The following ZNF292 variants were observed in gnomAD, a reference collection of about 807,000 sequenced individuals.
ZNF292 encodes 16 zinc-finger domain protein.
A neutral mutation model predicts 217.9 loss-of-function variants in ZNF292; 26 were observed. That is an observed-to-expected ratio of 0.12 (90% confidence interval 0.09 to 0.17). The LOEUF (loss-of-function observed/expected upper bound fraction) is 0.17. Among genes scored for constraint, ZNF292 ranks in the 10% least tolerant of loss-of-function variants. The pLI is 1.00. For missense variants in ZNF292, 2,904 were observed against 3,175.2 expected, an observed-to-expected ratio of 0.91 and a Z score of 2.05; for synonymous variants, 1,257 against 1,124.1, an observed-to-expected ratio of 1.12 and a Z score of -2.37.
chr6:87,224,010 C>T (rs1773220400), intron 4 of ZNF292: 1 of 152,180 alleles, frequency 6.6e-6, no homozygotes, highest in Admixed American at 6.5e-5. Flanking sequence ...CTGTGACCTC[C>T]CACTTCAACA....
intron 1 of ZNF292, among the ~76,000 whole-genome samples, chr6:87,189,347 C>T (rs532457810): frequency 2.5e-4 from 38 of 152,124 alleles, no homozygotes; most frequent in African/African-American, 9.2e-4. Context: ...TTAGTCAGAT[C>T]TTATATTCAC....
rs753447063 is a variant in ZNF292 at position 87,216,018 on chromosome 6, A to C, written c.284A>C (p.Glu95Ala). Reference sequence around the variant, plus strand: ...AAAGCCCGACCTTATCTTACCTCTGAATGTGAAAATGTAGCCTTGGTTCTG... The same window carrying C: ...AAAGCCCGACCTTATCTTACCTCTGCATGTGAAAATGTAGCCTTGGTTCTG... ...YVKARPYLTSECENVALVLER... is the reference protein window; with the variant it reads ...YVKARPYLTSACENVALVLER... Residue 95 changes from glutamate to alanine, a missense_variant, in exon 2 of 8, where the codon GAA (glutamate) becomes GCA (alanine). Physicochemically the swap from Glu to Ala is moderately radical, Grantham distance 107. Around this residue, in one of 15 missense-constraint regions of ZNF292, gnomAD observed 313 missense variants for 451.0 expected, o/e 0.69. Transcript: ENST00000369577. The C allele has an allele frequency of 1.9e-6, 3 of 1,578,040 alleles. No homozygotes were observed. Among genetic ancestry groups the C allele is most frequent in the Non-Finnish European group, 2.6e-6 (3 of 1,168,268 alleles).
intron 7 of ZNF292, chr6:87,249,424 G>C (rs1035972877): frequency 3.2e-6 from 1 of 309,480 alleles, no homozygotes; most frequent in African/African-American, 2.2e-5. Flanking sequence ...CACCACACAT[G>C]ACCTTCGCAG....
At chr6:87,227,757 G>A (rs988561811) in intron 4 of ZNF292, among the ~76,000 whole-genome samples, 1 of 152,138 alleles carries the variant, frequency 6.6e-6, no homozygotes, top group Non-Finnish European at 1.5e-5. Flanking sequence ...CCGTGTGGTA[G>A]CATGTGAAAG....
intron 1 of ZNF292, among the ~76,000 whole-genome samples, chr6:87,206,271 T>C (rs1212469585): frequency 6.6e-6 from 1 of 152,172 alleles, no homozygotes; most frequent in Non-Finnish European, 1.5e-5. Flanking sequence ...TCCAAAGTCA[T>C]GTGACAAAGG....
chr6:87,198,180 T>TTTTATTTATTTA (rs146558783), intron 1 of ZNF292, among the ~76,000 whole-genome samples: 65 of 147,628 alleles, frequency 4.4e-4, no homozygotes, highest in Middle Eastern at 3.5e-3. Context: ...TGCATGTTTA[T>TTTTATTTATTTA]TTTATTTATT....
chr6:87,258,354 A>C lies in ZNF292; in HGVS notation c.4725A>C (p.Leu1575Phe). Reference sequence around the variant, plus strand: ...TGCCTGTTTTTCCAACGAATGACTTACTACTGAAGACTGTTGAAAATGGTT... The same window carrying C: ...TGCCTGTTTTTCCAACGAATGACTTCCTACTGAAGACTGTTGAAAATGGTT... ...SSLPVFPTNDLLLKTVENGLC... is the reference protein window; with the variant it reads ...SSLPVFPTNDFLLKTVENGLC... Residue 1575 changes from leucine (L) to phenylalanine (F), a missense_variant, in exon 8 of 8, where the codon TTA (leucine) becomes TTC (phenylalanine). Leu to Phe is a conservative substitution (Grantham distance 22, BLOSUM62 0). This residue lies in a region of ZNF292 where 622 missense variants were observed against 573.1 expected (regional missense o/e 1.09). Coordinates refer to ENST00000369577, the MANE Select transcript of ZNF292 (RefSeq NM_015021.3). 1.2e-6 allele frequency: 2 copies of C among 1,613,658 alleles called. No individual in the cohort carries two copies. The highest frequency in any genetic ancestry group is 1.7e-6 in the Non-Finnish European group (2 of 1,179,774).
intron 1 of ZNF292, among the ~76,000 whole-genome samples, chr6:87,203,918 C>T (rs148932274): frequency 1.2e-3 from 180 of 152,080 alleles, no homozygotes; most frequent in African/African-American, 4.0e-3. Context: ...TCCAGCATGC[C>T]GAGTCAAAGC....
Position 87,155,638 on chromosome 6 carries a change from G to A in ZNF292, c.47G>A (p.Gly16Asp), listed in dbSNP as rs554384428. 1 of 1,582,920 alleles carries A rather than the reference G, an allele frequency of 6.3e-7. No homozygotes were observed. The highest frequency in any genetic ancestry group is 1.2e-5 in the South Asian group (1 of 86,676). The change falls in exon 1 of 8, where the codon GGC (glycine) becomes GAC (aspartate). Residue 16 changes from glycine to aspartate, a missense_variant. This residue lies in a region of ZNF292 where 66 missense variants were observed against 44.1 expected (regional missense o/e 1.50). Transcript: ENST00000369577. The stretch of plus-strand genomic sequence containing the variant: ...CAGGAGAGGTTGAGTTGCGGCGAAG[G>A]CGGCTGCGTCGCGGAGCTGCAGCGC... The part of the protein sequence containing the change: ...AEQERLSCGE[G>D]GCVAELQRLG...
Position 87,261,373 on chromosome 6 carries a change from G to T in ZNF292, c.7744G>T (p.Asp2582Tyr). Residue 2582 changes from aspartate to tyrosine, a missense_variant, in exon 8 of 8, where the codon GAC becomes TAC. Transcript: ENST00000369577. ...QTIEEHPASF[D>Y]WSSFKPMGFE... ...CATTGAGGAGCATCCTGCATCTTTTGACTGGAGCTCTTTTAAGCCAATGGG... is the reference window on the plus strand; with the variant it reads ...CATTGAGGAGCATCCTGCATCTTTTTACTGGAGCTCTTTTAAGCCAATGGG... The T allele has an allele frequency of 6.2e-7, 1 of 1,613,094 alleles. No homozygotes were observed. The highest frequency in any genetic ancestry group is 1.1e-5 in the South Asian group (1 of 90,992).
chr6:87,263,401 C>CAAT lies in ZNF292; in HGVS notation c.*1600_*1601insAAT, dbSNP rs1390409980. 6.6e-6 allele frequency: 1 copy of CAAT among 151,850 alleles called. No individual in the cohort carries two copies. Among genetic ancestry groups the CAAT allele is most frequent in the Non-Finnish European group, 1.5e-5 (1 of 67,902 alleles). 9.4% of individuals were successfully genotyped at this position (151,850 alleles called of 1,614,324 possible). A position where few individuals can be genotyped will look rare whatever the true frequency, so the allele number is the denominator to read the frequency against. On this transcript the variant is annotated 3_prime_UTR_variant, in exon 8 of 8. Transcript: ENST00000369577. ...TGATGGTATGAAAATGTGTACATTC[C>CAAT]CTGTGCAACATCAGATTTGCAGGAA... is the stretch of plus-strand genomic sequence containing the variant.
chr6:87,236,398 T>C (rs1773905982), intron 5 of ZNF292, among the ~76,000 whole-genome samples: 1 of 138,692 alleles, frequency 7.2e-6, no homozygotes, highest in Non-Finnish European at 1.6e-5. Context: ...TGTTTTTTTT[T>C]TTTTTTTAAA....
Position 87,261,970 on chromosome 6 carries a change from T to G in ZNF292, c.*169T>G, listed in dbSNP as rs1775629630. 4.2e-6 allele frequency: 2 copies of G among 473,724 alleles called. No individual in the cohort carries two copies. Among genetic ancestry groups the G allele is most frequent in the Non-Finnish European group, 7.1e-6 (2 of 280,036 alleles). The allele number at this position is 473,724 out of a possible 1,614,324, so 29.3% of individuals were successfully genotyped here. A position where few individuals can be genotyped will look rare whatever the true frequency, so the allele number is the denominator to read the frequency against. On this transcript the variant is annotated 3_prime_UTR_variant, in exon 8 of 8. Transcript: ENST00000369577. ...CATGACATTTGTCATGTAAAACTTT[T>G]TTTTATCCCTATGGGACTTGAGGAA...
At chr6:87,170,272 G>C (rs1771058079) in intron 1 of ZNF292, 1 of 152,020 alleles carries the variant, frequency 6.6e-6, no homozygotes. Context: ...CTTATTTTAA[G>C]CCTTGGCTTG....
At chr6:87,224,152 T>C (rs949874275) in intron 4 of ZNF292, among the ~76,000 whole-genome samples, 2 of 152,210 alleles carry the variant, frequency 1.3e-5, no homozygotes, top group African/African-American at 4.8e-5. Context: ...ACAGTGCTTT[T>C]GTACAGTTCT....
At chr6:87,252,469 T>C (rs1312072916) in intron 7 of ZNF292, among the ~76,000 whole-genome samples, 1 of 152,198 alleles carries the variant, frequency 6.6e-6, no homozygotes, top group Non-Finnish European at 1.5e-5. Context: ...TAATCCTTTT[T>C]TAAAATTTCT....
At chr6:87,222,426 G>A (rs1773128600) in intron 4 of ZNF292, among the ~76,000 whole-genome samples, 1 of 152,070 alleles carries the variant, frequency 6.6e-6, no homozygotes, top group African/African-American at 2.4e-5. Context: ...CATAACAAGT[G>A]TTTGTGGCTG....
At chr6:87,221,291 G>T (rs1342781143) in intron 4 of ZNF292, among the ~76,000 whole-genome samples, 2 of 151,996 alleles carry the variant, frequency 1.3e-5, no homozygotes, top group African/African-American at 4.8e-5. Flanking sequence ...GGAACTTTAG[G>T]CATACTTAAA....
chr6:87,258,477 A>C lies in ZNF292; in HGVS notation c.4848A>C (p.Arg1616Ser). ...VSVISGPQNT[R>S]SSHLNKKGNS... ...TTATAAGTGGTCCTCAGAACACAAG[A>C]TCCAGTCATTTAAATAAAAAGGGAA... is the stretch of plus-strand genomic sequence containing the variant. The change falls in exon 8 of 8, where the codon AGA becomes AGC. Residue 1616 changes from arginine to serine, a missense_variant. This residue lies in a region of ZNF292 where 622 missense variants were observed against 573.1 expected (regional missense o/e 1.09). Coordinates refer to ENST00000369577, the MANE Select transcript of ZNF292 (RefSeq NM_015021.3). 1 of 1,613,680 alleles carries C rather than the reference A, an allele frequency of 6.2e-7. No individual in the cohort carries two copies. Among genetic ancestry groups the C allele is most frequent in the Non-Finnish European group, 8.5e-7 (1 of 1,179,764 alleles).
Sources: gnomAD v4.1 joint callset for allele counts (sites outside exome capture counted in the v4.1 genomes callset) on GRCh38, gnomAD v4.1.1 for gene constraint, gnomAD v4.1.1 regional missense constraint, MANE v1.5 for transcripts, NCBI Gene and HGNC (gene_info 2026-07-23, HGNC 2026-07-21) for gene names.